The following ARMC8 variants were observed in gnomAD, a reference collection of about 807,000 sequenced individuals.
ARMC8 encodes the protein armadillo repeat-containing protein 8.
In ARMC8, 20 loss-of-function variants were observed where a neutral mutation model predicts 99.3. The ratio of observed to expected loss-of-function variants is 0.20; its 90% CI spans 0.14 to 0.29. The LOEUF is 0.29. Among genes scored for constraint, ARMC8 ranks in the 10% least tolerant of loss-of-function variants. The probability of loss-of-function intolerance (pLI) is 1.00; values close to 1 mark genes in which losing one functional copy is unlikely to be tolerated. For missense variants in ARMC8, 569 were observed against 809.5 expected, an observed-to-expected ratio of 0.70 and a Z score of 3.60; for synonymous variants, 263 against 278.3, an observed-to-expected ratio of 0.95 and a Z score of 0.55.
At chr3:138,187,651 G>C in intron 1 of ARMC8, 52 bp downstream of exon 1, 3 of 1,525,706 alleles carry the variant, frequency 2.0e-6, no homozygotes, top group Non-Finnish European at 2.6e-6. Context: ...CCTCATCCCG[G>C]TCTCCACCAT....
intron 1 of ARMC8, among the ~76,000 whole-genome samples, chr3:138,202,196 A>G (rs1022104989): frequency 6.6e-6 from 1 of 152,226 alleles, no homozygotes; most frequent in East Asian, 1.9e-4. Flanking sequence ...ACTAATTGAC[A>G]TGTTAAATTT....
Position 138,241,879 on chromosome 3 carries a change from G to T in ARMC8, c.934G>T (p.Val312Phe). 4 of 1,614,056 alleles carry T rather than the reference G, an allele frequency of 2.5e-6. No homozygotes were observed. The highest frequency in any genetic ancestry group is 1.7e-6 in the Non-Finnish European group (2 of 1,179,932). The change falls in exon 11 of 22, where the codon GTT (valine) becomes TTT (phenylalanine). Residue 312 changes from valine (V) to phenylalanine (F), a missense_variant. This residue lies in a region of ARMC8 where 342 missense variants were observed against 391.6 expected (regional missense o/e 0.87). Coordinates refer to ENST00000469044, the MANE Select transcript of ARMC8 (RefSeq NM_001363941.2). ...ETLAYLIEPD[V>F]ELQRIASITD... ...ACTTGCCTATCTGATTGAACCAGAT[G>T]TTGAGCTACAGAGAATCGCTAGCAT...
chr3:138,250,171 C>G (rs1456020170), intron 12 of ARMC8, among the ~76,000 whole-genome samples: 2 of 152,092 alleles, frequency 1.3e-5, no homozygotes, highest in Non-Finnish European at 2.9e-5. Context: ...AATTTGTCTT[C>G]TATCCTCTTT....
chr3:138,265,932 C>T (rs952406542), intron 14 of ARMC8, among the ~76,000 whole-genome samples: 1 of 152,156 alleles, frequency 6.6e-6, no homozygotes, highest in Non-Finnish European at 1.5e-5. Flanking sequence ...AACCCTGGAG[C>T]TACTTCAGTG....
chr3:138,256,339 G>T lies in ARMC8; in HGVS notation c.1135-7400G>T, dbSNP rs902998037. On this transcript the variant is annotated intron_variant, in intron 12 of 21. Coordinates refer to ENST00000469044, the MANE Select transcript of ARMC8 (RefSeq NM_001363941.2). Reference sequence around the variant, plus strand: ...GCCATTTGTACCCCCAACCAAAGCTGAATCATTGATTTGTCATTTTCTCTC... The same window carrying T: ...GCCATTTGTACCCCCAACCAAAGCTTAATCATTGATTTGTCATTTTCTCTC... Among the ~76,000 whole-genome samples, 4 of 149,122 alleles carry T rather than the reference G, an allele frequency of 2.7e-5. No individual in the cohort carries two copies. The East Asian group carries it at 6.0e-4, about 22-fold the overall frequency.
intron 12 of ARMC8, among the ~76,000 whole-genome samples, chr3:138,252,701 G>T (rs1365519038): frequency 8.9e-6 from 1 of 112,302 alleles, no homozygotes; most frequent in Non-Finnish European, 1.7e-5. Flanking sequence ...TGATCCACCC[G>T]CCTCGGCCTT....
intron 10 of ARMC8, among the ~76,000 whole-genome samples, chr3:138,240,258 C>CA (rs2046546127): frequency 6.6e-6 from 1 of 152,120 alleles, no homozygotes; most frequent in African/African-American, 2.4e-5. Flanking sequence ...GATGATGTGT[C>CA]ATTTTATAAA....
At chr3:138,291,081 AT>A (rs1214534016) in intron 21 of ARMC8, among the ~76,000 whole-genome samples, 2 of 152,206 alleles carry the variant, frequency 1.3e-5, no homozygotes, top group African/African-American at 4.8e-5. Context: ...AGAGCTCATC[AT>A]TTCCTGGTAG....
intron 1 of ARMC8, among the ~76,000 whole-genome samples, chr3:138,190,137 T>G (rs1002517623): frequency 1.2e-4 from 19 of 152,264 alleles, no homozygotes; most frequent in African/African-American, 4.6e-4. Context: ...TCTTACACTC[T>G]CAGTGCAAGT....
chr3:138,208,277 C>A (rs2044498680), intron 1 of ARMC8, among the ~76,000 whole-genome samples: 1 of 152,050 alleles, frequency 6.6e-6, no homozygotes, highest in Non-Finnish European at 1.5e-5. Flanking sequence ...ACCAGCCTGG[C>A]CAACATGGTG....
At chr3:138,193,212 G>A (rs769558189) in intron 1 of ARMC8, among the ~76,000 whole-genome samples, 5 of 151,714 alleles carry the variant, frequency 3.3e-5, no homozygotes, top group Non-Finnish European at 5.9e-5. Flanking sequence ...CAGGCAGTCT[G>A]CCCATCTTGG....
In ARMC8 at chr3:138,198,518, TTATTA is replaced by T. The variant is rs869161007; in HGVS notation, c.45+10921_45+10925del. Among the ~76,000 whole-genome samples, 185 of 149,686 alleles carry T rather than the reference TTATTA, an allele frequency of 1.2e-3. 1 individual carries two copies. Among genetic ancestry groups the T allele is most frequent in the African/African-American group, 3.6e-3 (146 of 40,290 alleles). ...TTTATTATTATTATTATTATTATTA[TTATTA>T]TTTTTTGAGACAGATTCTCACTCTT... On this transcript the variant is annotated intron_variant, in intron 1 of 21. Coordinates refer to ENST00000469044, the MANE Select transcript of ARMC8 (RefSeq NM_001363941.2).
rs1353330805 is a variant in ARMC8, at chr3:138,297,585, G to A, written c.*1693G>A. On this transcript the variant is annotated 3_prime_UTR_variant, in exon 22 of 22. Transcript: ENST00000469044. Reference sequence around the variant, plus strand: ...GGTTGCAAATGAATGTTTTAAAAATGTATTTAATGCAATTTTTCCTGCTCT... The same window carrying A: ...GGTTGCAAATGAATGTTTTAAAAATATATTTAATGCAATTTTTCCTGCTCT... 6.6e-6 allele frequency: 1 copy of A among 152,208 alleles called. No individual in the cohort carries two copies. Among genetic ancestry groups the A allele is most frequent in the East Asian group, 1.9e-4 (1 of 5,202 alleles). 9.4% of individuals were successfully genotyped at this position (152,208 alleles called of 1,614,324 possible).
intron 1 of ARMC8, among the ~76,000 whole-genome samples, chr3:138,199,731 G>A (rs1220491992): frequency 1.3e-5 from 2 of 152,212 alleles, no homozygotes; most frequent in African/African-American, 4.8e-5. Flanking sequence ...TGCTTTTAAA[G>A]TATTGGTGTC....
At chr3:138,218,305 T>A (rs1431831233) in intron 2 of ARMC8, among the ~76,000 whole-genome samples, 1 of 152,216 alleles carries the variant, frequency 6.6e-6, no homozygotes, top group Non-Finnish European at 1.5e-5. Context: ...TTATTTTCCT[T>A]AGTCACTGCT....
chr3:138,211,275 GT>G (rs1175052747), intron 2 of ARMC8, among the ~76,000 whole-genome samples: 2 of 152,100 alleles, frequency 1.3e-5, no homozygotes, highest in Non-Finnish European at 2.9e-5. Context: ...TCAATAAATG[GT>G]TGAGAATGTT....
intron 1 of ARMC8, among the ~76,000 whole-genome samples, chr3:138,189,167 T>G (rs552073458): frequency 6.6e-6 from 1 of 152,332 alleles, no homozygotes; most frequent in East Asian, 1.9e-4. Flanking sequence ...TTTGTTTCAC[T>G]TCCTTGGTAA....
intron 14 of ARMC8, among the ~76,000 whole-genome samples, 171 bp downstream of exon 14, chr3:138,264,383 G>C (rs1399534738): frequency 1.3e-5 from 2 of 149,544 alleles, no homozygotes; most frequent in Non-Finnish European, 3.0e-5. Context: ...CTTCATGTGT[G>C]AGGGGGAACT....
chr3:138,239,778 A>T (rs1289593492), intron 10 of ARMC8, among the ~76,000 whole-genome samples: 1 of 152,190 alleles, frequency 6.6e-6, no homozygotes, highest in Non-Finnish European at 1.5e-5. Context: ...TATGGTAATT[A>T]GGAGGATGTG....
Sources: gnomAD v4.1 joint callset for allele counts (sites outside exome capture counted in the v4.1 genomes callset) on GRCh38, gnomAD v4.1.1 for gene constraint, gnomAD v4.1.1 regional missense constraint, MANE v1.5 for transcripts, NCBI Gene and HGNC (gene_info 2026-07-23, HGNC 2026-07-21) for gene names.